Variants in LRRC7 observed in about 807,000 individuals in gnomAD.
The protein encoded by LRRC7 is leucine-rich repeat-containing protein 7.
In LRRC7, 23 loss-of-function variants were observed where a neutral mutation model predicts 175.7. The observed-to-expected ratio is 0.13, with a 90% CI of 0.09 to 0.19. LRRC7 has a LOEUF of 0.19. LRRC7 is among the 10% of genes least tolerant of loss of function. The pLI is 1.00. For missense variants in LRRC7, 1,354 were observed against 1,904.7 expected, an observed-to-expected ratio of 0.71 and a Z score of 5.38; for synonymous variants, 685 against 680.9, an observed-to-expected ratio of 1.01 and a Z score of -0.09.
At chr1:69,746,561 A>G (rs1039050372) in intron 2 of LRRC7, among the ~76,000 whole-genome samples, 15 of 152,122 alleles carry the variant, frequency 9.9e-5, no homozygotes, top group Non-Finnish European at 2.1e-4. Context: ...CAAAATTTAT[A>G]TATTTGCTTT....
At position 70,123,139 on chromosome 1, in the gene LRRC7, G is replaced by A. The variant is rs760882768; in HGVS notation, c.*1252G>A. The A allele has an allele frequency of 6.6e-6, 1 of 152,466 alleles. No individual in the cohort carries two copies. The highest frequency in any genetic ancestry group is 6.5e-5 in the Admixed American group (1 of 15,274). The allele number at this position is 152,466 out of a possible 1,614,324, so 9.4% of individuals were successfully genotyped here. The stretch of plus-strand genomic sequence containing the variant: ...ATGTAGAATTATTTACTTTTCCATT[G>A]AAACTATTTTCCTGCATAAATGATC... On this transcript the variant is annotated 3_prime_UTR_variant, in exon 27 of 27. Coordinates refer to ENST00000651989, the MANE Select transcript of LRRC7 (RefSeq NM_001370785.2).
At chr1:69,955,346 T>C (rs1273657295) in intron 8 of LRRC7, among the ~76,000 whole-genome samples, 1 of 152,010 alleles carries the variant, frequency 6.6e-6, no homozygotes, top group African/African-American at 2.4e-5. Flanking sequence ...TACAAAGACT[T>C]CCTGAAGAAA....
chr1:69,752,013 T>G (rs1296775746), intron 2 of LRRC7, among the ~76,000 whole-genome samples: 2 of 152,074 alleles, frequency 1.3e-5, no homozygotes, highest in African/African-American at 4.8e-5. Context: ...ATTACAGACT[T>G]TCCGATATTG....
intron 11 of LRRC7, among the ~76,000 whole-genome samples, chr1:70,000,438 G>A (rs1655417329): frequency 1.3e-5 from 2 of 152,258 alleles, no homozygotes; most frequent in Middle Eastern, 3.4e-3. Flanking sequence ...ATCTAGGTTT[G>A]TGTACATACA....
At chr1:69,716,633 A>G (rs1557639001) in intron 2 of LRRC7, among the ~76,000 whole-genome samples, 2 of 152,028 alleles carry the variant, frequency 1.3e-5, no homozygotes, top group South Asian at 2.1e-4. Flanking sequence ...TCTAAGAAAT[A>G]AAGTGAAATT....
At chr1:69,960,327 AC>A (rs981954339) in intron 8 of LRRC7, among the ~76,000 whole-genome samples, 4 of 150,984 alleles carry the variant, frequency 2.6e-5, no homozygotes, top group East Asian at 1.9e-4. Context: ...CAGTGGTAAT[AC>A]CCCCCCTTAT....
chr1:69,597,630 A>G (rs944763866), intron 1 of LRRC7, among the ~76,000 whole-genome samples: 14 of 152,310 alleles, frequency 9.2e-5, no homozygotes, highest in Admixed American at 7.2e-4. Context: ...TGCCTGATCC[A>G]TAACAAATCT....
rs1384615226 is a variant in LRRC7 at position 70,122,069 on chromosome 1, T to C, written c.*182T>C. 1 of 469,444 alleles carries C rather than the reference T, an allele frequency of 2.1e-6. No individual in the cohort carries two copies. Among genetic ancestry groups the C allele is most frequent in the Middle Eastern group, 5.5e-4 (1 of 1,816 alleles). The allele number at this position is 469,444 out of a possible 1,614,324, so 29.1% of individuals were successfully genotyped here. On this transcript the variant is annotated 3_prime_UTR_variant, in exon 27 of 27. Coordinates refer to ENST00000651989, the MANE Select transcript of LRRC7 (RefSeq NM_001370785.2). ...GTTAACTCTATAAATATGATGTTCA[T>C]GTGGTTATGTATTAGTTTTAATTGT... is the stretch of plus-strand genomic sequence containing the variant.
intron 7 of LRRC7, among the ~76,000 whole-genome samples, chr1:69,865,848 G>A (rs1450976514): frequency 1.3e-5 from 2 of 152,134 alleles, no homozygotes; most frequent in Non-Finnish European, 2.9e-5. Context: ...CACCTCAGGA[G>A]TGACCTGGCC....
rs1650911541 is a variant in LRRC7, at chr1:69,623,153, A to G, written c.2+54512A>G. On this transcript the variant is annotated intron_variant, in intron 1 of 26. Transcript: ENST00000651989. ...CAAAGTTCTTCCCTGTATAACTGAC[A>G]GTGAAAATTGACATTCCTTCAGGGA... 2.0e-5 allele frequency among the ~76,000 whole-genome samples: 3 copies of G among 152,252 alleles called. No individual in the cohort carries two copies. In the South Asian group the frequency reaches 6.2e-4, roughly 31 times the overall value.
At chr1:69,774,090 A>G (rs906998137) in intron 3 of LRRC7, among the ~76,000 whole-genome samples, 7 of 152,144 alleles carry the variant, frequency 4.6e-5, no homozygotes, top group Admixed American at 3.9e-4. Flanking sequence ...GCTACAGGAT[A>G]TCTGTGGAAG....
chr1:69,646,595 T>C (rs1033064389), intron 1 of LRRC7, among the ~76,000 whole-genome samples: 1 of 152,154 alleles, frequency 6.6e-6, no homozygotes, highest in Non-Finnish European at 1.5e-5. Flanking sequence ...TGCTATGCTG[T>C]CACAAAGAGG....
At position 70,134,446 on chromosome 1, in the gene LRRC7, C is replaced by T. The variant is rs1023802442; in HGVS notation, c.*12559C>T. On this transcript the variant is annotated 3_prime_UTR_variant, in exon 27 of 27. Transcript: ENST00000651989. ...CTCACCCTCACAGCTTAGCCAGCCTCCTGGTCTGAGCTTCTTCTTTGCTAA... is the reference window on the plus strand; with the variant it reads ...CTCACCCTCACAGCTTAGCCAGCCTTCTGGTCTGAGCTTCTTCTTTGCTAA... Among the ~76,000 whole-genome samples, 2 of 152,236 alleles carry T rather than the reference C, an allele frequency of 1.3e-5. No homozygotes were observed. Among genetic ancestry groups the T allele is most frequent in the African/African-American group, 4.8e-5 (2 of 41,456 alleles).
At chr1:69,672,375 A>G (rs1357143613) in intron 1 of LRRC7, among the ~76,000 whole-genome samples, 1 of 152,220 alleles carries the variant, frequency 6.6e-6, no homozygotes, top group Admixed American at 6.5e-5. Context: ...GAACATTTCC[A>G]TCATTGCAGA....
In LRRC7 at chr1:69,863,189, C is replaced by T. The variant is rs1684544987; in HGVS notation, c.647+24906C>T. ...ATTTCCTTCTGTCTGGAACTCTCTG[C>T]CCCCAGAGGCTGACTCCTTTTTTAT... is the stretch of plus-strand genomic sequence containing the variant. On this transcript the variant is annotated intron_variant, in intron 7 of 26. Coordinates refer to ENST00000651989, the MANE Select transcript of LRRC7 (RefSeq NM_001370785.2). Among the ~76,000 whole-genome samples, 5 of 152,136 alleles carry T rather than the reference C, an allele frequency of 3.3e-5. No homozygotes were observed. The South Asian group carries it at 8.3e-4, about 25-fold the overall frequency.
intron 1 of LRRC7, among the ~76,000 whole-genome samples, chr1:69,641,317 T>C (rs574939150): frequency 1.1e-4 from 16 of 151,808 alleles, no homozygotes; most frequent in African/African-American, 3.9e-4. Context: ...ACCTTTTACA[T>C]GGGCAGTACT....
chr1:69,927,119 A>G (rs1426105571), intron 7 of LRRC7, among the ~76,000 whole-genome samples: 3 of 152,166 alleles, frequency 2.0e-5, no homozygotes, highest in Non-Finnish European at 1.5e-5. Flanking sequence ...TTCCTTTAAG[A>G]ATGTTGAATA....
chr1:69,698,316 A>AT (rs1424900338), intron 2 of LRRC7, among the ~76,000 whole-genome samples: 1 of 132,570 alleles, frequency 7.5e-6, no homozygotes, highest in Non-Finnish European at 1.6e-5. Context: ...AGATTGCCCT[A>AT]TTTTAGCTTA....
At chr1:69,662,695 T>G (rs1277319842) in intron 1 of LRRC7, among the ~76,000 whole-genome samples, 2 of 152,240 alleles carry the variant, frequency 1.3e-5, no homozygotes, top group Non-Finnish European at 2.9e-5. Flanking sequence ...CATAGTTGGC[T>G]GAGATAATTG....
Sources: gnomAD v4.1 joint callset for allele counts (sites outside exome capture counted in the v4.1 genomes callset) on GRCh38, gnomAD v4.1.1 for gene constraint, MANE v1.5 for transcripts, NCBI Gene and HGNC (gene_info 2026-07-23, HGNC 2026-07-21) for gene names.